The following FAF1 variants were observed in gnomAD, a reference collection of about 807,000 sequenced individuals.
The protein encoded by FAF1 is Fas associated factor 1.
A neutral mutation model predicts 92.5 loss-of-function variants in FAF1; 25 were observed. That is an observed-to-expected ratio of 0.27 (90% CI 0.20 to 0.38). FAF1 has a LOEUF of 0.38. FAF1 is among the 10% of genes least tolerant of loss of function. FAF1 has a pLI of 1.00. For synonymous variants in FAF1, 234 were observed against 273.2 expected, an observed-to-expected ratio of 0.86 and a Z score of 1.42; for missense variants, 636 against 793.3, an observed-to-expected ratio of 0.80 and a Z score of 2.38.
At position 50,819,704 on chromosome 1, in the gene FAF1, CATATATATAT is replaced by C. The variant is rs111794640; in HGVS notation, c.115-18037_115-18028del. Among the ~76,000 whole-genome samples the C allele has an allele frequency of 3.3e-4, 13 of 39,890 alleles. 2 individuals are homozygous for C. Among genetic ancestry groups the C allele is most frequent in the Non-Finnish European group, 6.3e-4 (13 of 20,548 alleles). The allele number at this position is 39,890 out of a possible 152,430, so 26.2% of individuals were successfully genotyped here. ...GTATATATATATACATATATATATA[CATATATATAT>C]ACGTATATATATATACATATATATA... On this transcript the variant is annotated intron_variant, in intron 2 of 18. Coordinates refer to ENST00000396153, the MANE Select transcript of FAF1 (RefSeq NM_007051.3).
chr1:50,926,008 G>C (rs1454650162), intron 1 of FAF1, among the ~76,000 whole-genome samples: 3 of 152,188 alleles, frequency 2.0e-5, no homozygotes, highest in African/African-American at 7.2e-5. Flanking sequence ...TTAAGGCCAG[G>C]AGTTGAAGAC....
chr1:50,538,553 C>CAAAA (rs34003582), intron 14 of FAF1, among the ~76,000 whole-genome samples: 1 of 78,064 alleles, frequency 1.3e-5, no homozygotes, highest in African/African-American at 4.1e-5. Context: ...GTAAAAAAGG[C>CAAAA]AAAAAAAAAA....
chr1:50,596,238 A>C (rs1199238214), intron 8 of FAF1, 22 bp from the exon 9 acceptor site: 5 of 1,541,588 alleles, frequency 3.2e-6, no homozygotes, highest in Admixed American at 1.7e-5. Context: ...AGAATCCATC[A>C]TTTGTAAACA....
chr1:50,639,110 G>C (rs906737533), intron 8 of FAF1, among the ~76,000 whole-genome samples: 1 of 152,172 alleles, frequency 6.6e-6, no homozygotes, highest in African/African-American at 2.4e-5. Flanking sequence ...ATTAACTTAA[G>C]TATTGTATCT....
At chr1:50,730,214 T>C (rs1351861766) in intron 6 of FAF1, among the ~76,000 whole-genome samples, 1 of 152,132 alleles carries the variant, frequency 6.6e-6, no homozygotes, top group East Asian at 1.9e-4. Context: ...ATTTTCCATT[T>C]CACCTAAATT....
intron 8 of FAF1, among the ~76,000 whole-genome samples, chr1:50,599,380 G>A (rs1651987682): frequency 6.6e-6 from 1 of 152,078 alleles, no homozygotes; most frequent in African/African-American, 2.4e-5. Flanking sequence ...CCAAAGTGCT[G>A]GGATTACAGG....
At chr1:50,777,341 G>A (rs1266091222) in intron 4 of FAF1, among the ~76,000 whole-genome samples, 1 of 151,940 alleles carries the variant, frequency 6.6e-6, no homozygotes, top group Non-Finnish European at 1.5e-5. Flanking sequence ...AGGATCACTT[G>A]AGCCTAGGAG....
chr1:50,704,792 A>G (rs1304977130), intron 7 of FAF1, among the ~76,000 whole-genome samples: 2 of 152,204 alleles, frequency 1.3e-5, no homozygotes, highest in Non-Finnish European at 2.9e-5. Context: ...AATGAAGAAA[A>G]TAAAGCAATG....
intron 1 of FAF1, among the ~76,000 whole-genome samples, chr1:50,928,474 T>C (rs1160030505): frequency 7.2e-5 from 11 of 152,046 alleles, no homozygotes; most frequent in African/African-American, 2.7e-4. Context: ...AGAAAATAGG[T>C]GTTCTGTATT....
At chr1:50,661,309 G>C (rs968770531) in intron 7 of FAF1, among the ~76,000 whole-genome samples, 49 of 152,278 alleles carry the variant, frequency 3.2e-4, no homozygotes, top group African/African-American at 1.1e-3. Flanking sequence ...ACGCTACTGT[G>C]ATATAGTTTT....
chr1:50,637,681 A>ATATGTGTGTGTGTGTGTGTG (rs1553123409), intron 8 of FAF1, among the ~76,000 whole-genome samples: 35 of 137,154 alleles, frequency 2.6e-4, no homozygotes, highest in Non-Finnish European at 4.0e-4. Context: ...ACATATATAT[A>ATATGTGTGTGTGTGTGTGTG]TGTGTGTGTG....
At chr1:50,720,209 C>G (rs895812282) in intron 6 of FAF1, among the ~76,000 whole-genome samples, 1 of 152,054 alleles carries the variant, frequency 6.6e-6, no homozygotes, top group Non-Finnish European at 1.5e-5. Flanking sequence ...GCCATGTTGG[C>G]CAGGCTAGTC....
intron 18 of FAF1, among the ~76,000 whole-genome samples, chr1:50,451,189 AAG>A (rs1646289686): frequency 6.6e-6 from 1 of 152,214 alleles, no homozygotes; most frequent in South Asian, 2.1e-4. Flanking sequence ...TAAGGTGGGA[AAG>A]AGAGAATGAA....
At chr1:50,774,471 G>C (rs1660882435) in intron 4 of FAF1, among the ~76,000 whole-genome samples, 1 of 152,090 alleles carries the variant, frequency 6.6e-6, no homozygotes, top group African/African-American at 2.4e-5. Flanking sequence ...GACTGAAAAT[G>C]CACCTGCTAA....
intron 1 of FAF1, among the ~76,000 whole-genome samples, chr1:50,927,088 T>A (rs537806879): frequency 1.3e-5 from 2 of 152,250 alleles, no homozygotes; most frequent in African/African-American, 4.8e-5. Flanking sequence ...GGGGAGTTAA[T>A]GTTTAGAAGC....
At chr1:50,736,264 T>A (rs1303550526) in intron 6 of FAF1, among the ~76,000 whole-genome samples, 1 of 152,220 alleles carries the variant, frequency 6.6e-6, no homozygotes, top group African/African-American at 2.4e-5. Context: ...CTTTTTAGAT[T>A]ATAAATTAGG....
At chr1:50,460,595 A>G (rs1441932215) in intron 18 of FAF1, among the ~76,000 whole-genome samples, 2 of 151,238 alleles carry the variant, frequency 1.3e-5, no homozygotes, top group African/African-American at 2.5e-5. Context: ...GTGTGTATGT[A>G]TATATATGTG....
chr1:50,941,025 T>G (rs971924416), intron 1 of FAF1, among the ~76,000 whole-genome samples: 1 of 150,784 alleles, frequency 6.6e-6, no homozygotes, highest in Non-Finnish European at 1.5e-5. Flanking sequence ...CAGTTTGGGG[T>G]TTTTTTGGTT....
chr1:50,679,329 A>AG (rs1656320269), intron 7 of FAF1, among the ~76,000 whole-genome samples: 1 of 152,008 alleles, frequency 6.6e-6, no homozygotes, highest in East Asian at 1.9e-4. Flanking sequence ...AGTACAAAAA[A>AG]AAAGAATAGC....
Sources: allele counts gnomAD v4.1 joint callset (sites outside exome capture counted in the v4.1 genomes callset), GRCh38; gene constraint gnomAD v4.1.1; transcripts MANE v1.5; gene names NCBI Gene and HGNC (gene_info 2026-07-23, HGNC 2026-07-21).